Variants in COX7B2 observed in about 807,000 individuals in gnomAD.
The protein encoded by COX7B2 is cytochrome c oxidase subunit 7B2, mitochondrial.
For missense variants in COX7B2, 109 were observed against 95.9 expected, an observed-to-expected ratio of 1.14 and a Z score of -0.57; for synonymous variants, 37 against 32.1, an observed-to-expected ratio of 1.15 and a Z score of -0.51.
chr4:46,850,301 T>C (rs1560419143), intron 1 of COX7B2, among the ~76,000 whole-genome samples: 1 of 151,958 alleles, frequency 6.6e-6, no homozygotes, highest in African/African-American at 2.4e-5. Context: ...AGATACTGGA[T>C]TGAATAAGAT....
At chr4:46,760,136 G>A (rs1716060332) in intron 2 of COX7B2, among the ~76,000 whole-genome samples, 2 of 152,108 alleles carry the variant, frequency 1.3e-5, no homozygotes, top group Non-Finnish European at 2.9e-5. Flanking sequence ...AACCATTGTG[G>A]AAGACAGTGT....
intron 2 of COX7B2, among the ~76,000 whole-genome samples, chr4:46,812,605 G>A (rs906457673): frequency 7.9e-5 from 12 of 152,186 alleles, no homozygotes; most frequent in Admixed American, 7.2e-4. Context: ...CCAGGGGACA[G>A]GGAGCAGTAC....
chr4:46,751,034 AC>A (rs1560352029), intron 2 of COX7B2, among the ~76,000 whole-genome samples: 2 of 152,156 alleles, frequency 1.3e-5, no homozygotes, highest in East Asian at 1.9e-4. Flanking sequence ...ATGGTCCTTG[AC>A]AACTTAATCA....
intron 1 of COX7B2, among the ~76,000 whole-genome samples, chr4:46,860,868 A>G (rs1577668163): frequency 6.6e-6 from 1 of 152,154 alleles, no homozygotes; most frequent in Non-Finnish European, 1.5e-5. Context: ...TCAGAGTCAC[A>G]TTGTTCTTTG....
chr4:46,787,384 T>C (rs1393500733), intron 2 of COX7B2, among the ~76,000 whole-genome samples: 1 of 151,902 alleles, frequency 6.6e-6, no homozygotes. Context: ...GAGGCAGAAG[T>C]TGCAATGAGC....
intron 1 of COX7B2, among the ~76,000 whole-genome samples, chr4:46,905,404 C>T (rs1436746398): frequency 6.6e-6 from 1 of 152,132 alleles, no homozygotes; most frequent in Non-Finnish European, 1.5e-5. Flanking sequence ...TCTTAGAAAC[C>T]GGAACTGAAT....
chr4:46,797,407 G>A (rs1237811858), intron 2 of COX7B2, among the ~76,000 whole-genome samples: 2 of 152,110 alleles, frequency 1.3e-5, no homozygotes, highest in African/African-American at 4.8e-5. Context: ...GTCCCACTGT[G>A]GGCTCAGTAA....
chr4:46,772,360 T>C (rs1716923677), intron 2 of COX7B2, among the ~76,000 whole-genome samples: 2 of 152,098 alleles, frequency 1.3e-5, no homozygotes, highest in Admixed American at 1.3e-4. Context: ...GTTCTAGAAA[T>C]CAAATGTGCA....
intron 1 of COX7B2, among the ~76,000 whole-genome samples, chr4:46,892,001 G>A (rs944813250): frequency 7.9e-5 from 12 of 151,964 alleles, no homozygotes; most frequent in Non-Finnish European, 2.9e-5. Context: ...AGCTACTGTT[G>A]GGCATCCTTC....
intron 1 of COX7B2, among the ~76,000 whole-genome samples, chr4:46,846,556 G>A (rs2109768156): frequency 6.6e-6 from 1 of 152,120 alleles, no homozygotes; most frequent in Non-Finnish European, 1.5e-5. Flanking sequence ...TGGGGGAAGA[G>A]TGTTCCAGTA....
At chr4:46,754,886 C>T (rs1715682705) in intron 2 of COX7B2, among the ~76,000 whole-genome samples, 1 of 151,024 alleles carries the variant, frequency 6.6e-6, no homozygotes. Context: ...AATACCAATC[C>T]TACTGAAGCT....
rs552422425 is a variant in COX7B2, at chr4:46,838,493, G to C, written c.-50+6467C>G. Among the ~76,000 whole-genome samples, 115 of 152,052 alleles carry C rather than the reference G, an allele frequency of 7.6e-4. 2 individuals carry two copies. The highest frequency in any genetic ancestry group is 7.4e-4 in the Non-Finnish European group (50 of 67,978). On this transcript the variant is annotated intron_variant, in intron 2 of 2. Transcript: ENST00000355591. Reference sequence around the variant, plus strand: ...CTTATTTTTAAGGAAGGTTGGACTTGTGCCAAAGAAAAGTATCTATAATTC... The same window carrying C: ...CTTATTTTTAAGGAAGGTTGGACTTCTGCCAAAGAAAAGTATCTATAATTC...
intron 1 of COX7B2, among the ~76,000 whole-genome samples, chr4:46,905,812 T>A (rs1049136386): frequency 2.5e-5 from 3 of 120,406 alleles, no homozygotes; most frequent in Admixed American, 8.7e-5. Context: ...AAGCATATAT[T>A]TCTTTTTTTT....
chr4:46,897,170 G>A (rs111531556), intron 1 of COX7B2, among the ~76,000 whole-genome samples: 46 of 152,252 alleles, frequency 3.0e-4, no homozygotes, highest in African/African-American at 1.1e-3. Flanking sequence ...AACAAACAGG[G>A]TCAAGACAGG....
At chr4:46,836,125 A>G (rs1348164262) in intron 2 of COX7B2, among the ~76,000 whole-genome samples, 1 of 152,154 alleles carries the variant, frequency 6.6e-6, no homozygotes, top group Admixed American at 6.5e-5. Context: ...ATTACTGTAC[A>G]CTACTGTAGA....
chr4:46,876,874 G>A (rs1718373727), intron 1 of COX7B2: 3 of 152,204 alleles, frequency 2.0e-5, no homozygotes, highest in South Asian at 2.1e-4. Flanking sequence ...TATGAGTTTC[G>A]CTAAAGGCTA....
Position 46,797,408 on chromosome 4 carries a change from G to A in COX7B2, c.-50+47552C>T, listed in dbSNP as rs1577716572. The stretch of plus-strand genomic sequence containing the variant: ...TTTAGCTTAGGTCTGTCCCACTGTG[G>A]GCTCAGTAAGTCCTTAATCCATCCT... On this transcript the variant is annotated intron_variant, in intron 2 of 2. Coordinates refer to ENST00000355591, the MANE Select transcript of COX7B2 (RefSeq NM_130902.3). Among the ~76,000 whole-genome samples, 4 of 152,228 alleles carry A rather than the reference G, an allele frequency of 2.6e-5. No homozygotes were observed. In the South Asian group the frequency reaches 8.3e-4, roughly 32 times the overall value.
chr4:46,828,296 T>C (rs1169790685), intron 2 of COX7B2, among the ~76,000 whole-genome samples: 2 of 152,052 alleles, frequency 1.3e-5, no homozygotes, highest in African/African-American at 2.4e-5. Flanking sequence ...GAAAACCCAA[T>C]AGAAGGAGTT....
intron 1 of COX7B2, among the ~76,000 whole-genome samples, chr4:46,860,546 C>T (rs1319283333): frequency 6.6e-6 from 1 of 152,106 alleles, no homozygotes; most frequent in African/African-American, 2.4e-5. Flanking sequence ...AATGTTCCCT[C>T]TGCCCCTTCT....
Sources: allele counts gnomAD v4.1 joint callset (sites outside exome capture counted in the v4.1 genomes callset), GRCh38; gene constraint gnomAD v4.1.1; transcripts MANE v1.5; gene names NCBI Gene and HGNC (gene_info 2026-07-23, HGNC 2026-07-21).